Variants in SIK2 observed in about 807,000 individuals in gnomAD.
SIK2 encodes the protein salt inducible kinase 2, also known as serine/threonine-protein kinase SIK2.
Under a neutral mutation model 103.2 loss-of-function variants are expected in SIK2, and 29 were observed. The observed-to-expected ratio is 0.28, with a 90% CI of 0.21 to 0.38. SIK2 has a LOEUF of 0.38. Ranked by LOEUF, SIK2 falls within the 10% of genes least tolerant of loss-of-function variation. SIK2 has a pLI of 1.00. For synonymous variants in SIK2, 412 were observed against 446.1 expected (o/e 0.92, Z 0.96); for missense variants, 879 against 1,171.0 (o/e 0.75, Z 3.64).
At chr11:111,675,032 G>A (rs1942684348) in intron 3 of SIK2, among the ~76,000 whole-genome samples, 1 of 152,186 alleles carries the variant, frequency 6.6e-6, no homozygotes, top group Non-Finnish European at 1.5e-5. Flanking sequence ...CTACAGGTGT[G>A]AGCCACCACA....
In SIK2 at chr11:111,719,757, C is replaced by T. The variant is rs1943746738; in HGVS notation, c.1267-18C>T. On this transcript the variant is annotated intron_variant, in intron 9 of 14. Coordinates refer to ENST00000304987, the MANE Select transcript of SIK2 (RefSeq NM_015191.3). ...CAGCAGTGCAGAAACTGAGTTTCCT[C>T]TCTCCCCTGGCGTTTAGGTCAATGG... 4 of 1,605,672 alleles carry T rather than the reference C, an allele frequency of 2.5e-6. No homozygotes were observed. The highest frequency in any genetic ancestry group is 3.4e-6 in the Non-Finnish European group (4 of 1,175,522).
intron 8 of SIK2, among the ~76,000 whole-genome samples, chr11:111,709,926 G>A (rs1049356825): frequency 2.6e-5 from 4 of 152,212 alleles, no homozygotes; most frequent in African/African-American, 7.2e-5. Context: ...TAAAGCGTCC[G>A]AGCTAGTGAG....
Position 111,602,810 on chromosome 11 carries a change from A to C in SIK2, c.135+112A>C. On this transcript the variant is annotated intron_variant, in intron 1 of 14. Transcript: ENST00000304987. This position sits in a 1 kb window ranked among gnomAD's most constrained non-coding sequence, Gnocchi z 4.5. ...CCGGGGAGACCCGAGAGGCCGCCTC[A>C]CTGGCGGAGGCGAGCGGGCCTGGGA... 1 of 1,368,442 alleles carries C rather than the reference A, an allele frequency of 7.3e-7. No individual in the cohort carries two copies. The highest frequency in any genetic ancestry group is 9.4e-7 in the Non-Finnish European group (1 of 1,059,418). 84.8% of individuals were successfully genotyped at this position (1,368,442 alleles called of 1,614,324 possible). A position where few individuals can be genotyped will look rare whatever the true frequency, so the allele number is the denominator to read the frequency against.
intron 3 of SIK2, among the ~76,000 whole-genome samples, chr11:111,664,373 T>C (rs1942506798): frequency 6.6e-6 from 1 of 152,102 alleles, no homozygotes; most frequent in Non-Finnish European, 1.5e-5. Context: ...CTGTAATCTT[T>C]GGGAGGCCGA....
intron 3 of SIK2, among the ~76,000 whole-genome samples, chr11:111,649,146 A>G (rs1942296179): frequency 1.3e-5 from 2 of 152,162 alleles, no homozygotes; most frequent in South Asian, 4.1e-4. Flanking sequence ...TGGTTAAGAT[A>G]GTGTCACATA....
In SIK2 at chr11:111,646,518, C is replaced by G. The variant is rs373513292; in HGVS notation, c.316+26116C>G. Among the ~76,000 whole-genome samples, 102 of 152,190 alleles carry G rather than the reference C, an allele frequency of 6.7e-4. No homozygotes were observed. In the East Asian group the frequency reaches 0.012, roughly 18 times the overall value. ...ATGGCATATGTATTAACCCATGAAGCCATCACCACAATCAAGACAGTGAAT... is the reference window on the plus strand; with the variant it reads ...ATGGCATATGTATTAACCCATGAAGGCATCACCACAATCAAGACAGTGAAT... On this transcript the variant is annotated intron_variant, in intron 3 of 14. Transcript: ENST00000304987.
chr11:111,648,546 T>C (rs1452102240), intron 3 of SIK2, among the ~76,000 whole-genome samples: 1 of 152,022 alleles, frequency 6.6e-6, no homozygotes, highest in African/African-American at 2.4e-5. Context: ...GATTTCAACG[T>C]ATTAATTTTG....
intron 2 of SIK2, 108 bp from the exon 3 acceptor site, chr11:111,620,231 A>G: frequency 1.3e-6 from 1 of 757,978 alleles, no homozygotes; most frequent in Admixed American, 2.5e-5. Context: ...GGAATTGTTC[A>G]TAACTGTGAT....
At chr11:111,660,414 A>G (rs1323027662) in intron 3 of SIK2, among the ~76,000 whole-genome samples, 1 of 152,190 alleles carries the variant, frequency 6.6e-6, no homozygotes, top group Admixed American at 6.5e-5. Flanking sequence ...TACTGCAACT[A>G]TCTTTGGGTC....
At chr11:111,668,180 GTGTGTGT>G (rs1942574687) in intron 3 of SIK2, among the ~76,000 whole-genome samples, 2 of 68,538 alleles carry the variant, frequency 2.9e-5, no homozygotes, top group Non-Finnish European at 5.6e-5. Context: ...AAAGTAAGGA[GTGTGTGT>G]GTGTGTGTGT....
intron 9 of SIK2, among the ~76,000 whole-genome samples, chr11:111,714,465 CTGTG>C (rs1943583603): frequency 6.6e-6 from 1 of 152,180 alleles, no homozygotes; most frequent in Non-Finnish European, 1.5e-5. Context: ...CTGCATATCA[CTGTG>C]TGTGCCCCGG....
At chr11:111,606,651 A>G (rs531497905) in intron 1 of SIK2, among the ~76,000 whole-genome samples, 2 of 152,288 alleles carry the variant, frequency 1.3e-5, no homozygotes, top group African/African-American at 4.8e-5. Context: ...CGCAGTGAAT[A>G]TTTTTGTGCC....
At position 111,729,138 on chromosome 11, in the gene SIK2, T is replaced by A. The variant is rs1944094665; in HGVS notation, c.*5009T>A. ...CCAGTAGCCTCTCACATTCTTATTTTACCATTTTTGTCCTAATTAAGGTAG... is the reference window on the plus strand; with the variant it reads ...CCAGTAGCCTCTCACATTCTTATTTAACCATTTTTGTCCTAATTAAGGTAG... On this transcript the variant is annotated 3_prime_UTR_variant, in exon 15 of 15. Transcript: ENST00000304987. The A allele has an allele frequency of 6.6e-6, 1 of 152,270 alleles. No individual in the cohort carries two copies. The highest frequency in any genetic ancestry group is 1.5e-5 in the Non-Finnish European group (1 of 68,078). 9.4% of individuals were successfully genotyped at this position (152,270 alleles called of 1,614,324 possible). A position where few individuals can be genotyped will look rare whatever the true frequency, so the allele number is the denominator to read the frequency against.
intron 12 of SIK2, 42 bp from the exon 13 acceptor site, chr11:111,721,788 C>T: frequency 2.6e-6 from 4 of 1,513,780 alleles, no homozygotes; most frequent in Non-Finnish European, 3.6e-6. Context: ...ACGTTTTTCC[C>T]CATGGGGAAT....
At chr11:111,652,445 TC>T (rs1422541463) in intron 3 of SIK2, among the ~76,000 whole-genome samples, 23 of 152,306 alleles carry the variant, frequency 1.5e-4, no homozygotes, top group African/African-American at 5.3e-4. Flanking sequence ...AGATTGTATG[TC>T]ATTAATTTCA....
At chr11:111,662,402 C>T (rs1942478679) in intron 3 of SIK2, among the ~76,000 whole-genome samples, 1 of 152,150 alleles carries the variant, frequency 6.6e-6, no homozygotes, top group Non-Finnish European at 1.5e-5. Context: ...AACAGTAAAA[C>T]AGACACATAT....
chr11:111,681,273 A>G (rs1403716124), intron 3 of SIK2, among the ~76,000 whole-genome samples: 3 of 152,192 alleles, frequency 2.0e-5, no homozygotes, highest in Non-Finnish European at 2.9e-5. Flanking sequence ...TCTATGTATC[A>G]TTTTTATTAG....
In SIK2 at chr11:111,729,393, GT is replaced by G. The variant is rs1944105709; in HGVS notation, c.*5268del. 1 of 152,250 alleles carries G rather than the reference GT, an allele frequency of 6.6e-6. No individual in the cohort carries two copies. 9.4% of individuals were successfully genotyped at this position (152,250 alleles called of 1,614,324 possible). ...AGCAATAGCTTATATTTGTACATTA[GT>G]TTTACCAAGCACTTTCTCTTCTAAC... On this transcript the variant is annotated 3_prime_UTR_variant, in exon 15 of 15. Transcript: ENST00000304987.
chr11:111,617,760 CATA>C (rs1051039862), intron 2 of SIK2, among the ~76,000 whole-genome samples: 25 of 151,782 alleles, frequency 1.6e-4, no homozygotes, highest in African/African-American at 4.4e-4. Context: ...TTATAATGTA[CATA>C]ATATTTATAC....
Sources: gnomAD v4.1 joint callset for allele counts (sites outside exome capture counted in the v4.1 genomes callset) on GRCh38, gnomAD v4.1.1 for gene constraint, Gnocchi (gnomAD v3.1) non-coding constraint, MANE v1.5 for transcripts, NCBI Gene and HGNC (gene_info 2026-07-23, HGNC 2026-07-21) for gene names.